Variants in FNDC3B observed in about 807,000 individuals in gnomAD.
The protein encoded by FNDC3B is fibronectin type III domain containing 3B, also known as fibronectin type III domain-containing protein 3B.
Under a neutral mutation model 151.5 loss-of-function variants are expected in FNDC3B, and 12 were observed. That is an observed-to-expected ratio of 0.08 (90% CI 0.05 to 0.13). The LOEUF (loss-of-function observed/expected upper bound fraction) is 0.13. Among genes scored for constraint, FNDC3B ranks in the 10% least tolerant of loss-of-function variants. The probability of loss-of-function intolerance (pLI) is 1.00; values close to 1 mark genes in which losing one functional copy is unlikely to be tolerated. For synonymous variants in FNDC3B, 528 were observed against 549.0 expected, an observed-to-expected ratio of 0.96 and a Z score of 0.54; for missense variants, 1,214 against 1,505.3, an observed-to-expected ratio of 0.81 and a Z score of 3.20.
At chr3:172,140,880 G>A (rs73167218) in intron 3 of FNDC3B, among the ~76,000 whole-genome samples, 195 of 152,210 alleles carry the variant, frequency 1.3e-3, no homozygotes, top group Middle Eastern at 0.01. Context: ...ACATAAGAAC[G>A]GAATGTTAAA....
intron 22 of FNDC3B, among the ~76,000 whole-genome samples, chr3:172,359,220 C>T (rs1387074929): frequency 6.6e-6 from 1 of 151,890 alleles, no homozygotes; most frequent in African/African-American, 2.4e-5. Flanking sequence ...CTTGTATCTT[C>T]TAAACTATTT....
At chr3:172,397,082 T>C in intron 25 of FNDC3B, 82 bp from the exon 26 acceptor site, 1 of 1,065,346 alleles carries the variant, frequency 9.4e-7, no homozygotes, top group African/African-American at 1.6e-5. Context: ...CAAGAGTGAA[T>C]GGAGTGAATC....
chr3:172,112,506 C>T lies in FNDC3B; in HGVS notation c.27C>T (p.Asp9=). The T allele has an allele frequency of 6.2e-7, 1 of 1,614,074 alleles. No homozygotes were observed. The highest frequency in any genetic ancestry group is 8.5e-7 in the Non-Finnish European group (1 of 1,179,948). The change falls in exon 2 of 26, where the codon GAC becomes GAT. Residue 9 remains aspartate (D), a synonymous_variant. Coordinates refer to ENST00000415807, the MANE Select transcript of FNDC3B (RefSeq NM_022763.4). MYVTMMMT[D]QIPLELPPLL... is the part of the protein sequence containing the mutation. ...TGTACGTCACAATGATGATGACCGA[C>T]CAAATCCCTCTGGAACTGCCACCAT...
chr3:172,214,973 G>A (rs2108720097), intron 3 of FNDC3B, among the ~76,000 whole-genome samples: 1 of 152,360 alleles, frequency 6.6e-6, no homozygotes, highest in East Asian at 1.9e-4. Flanking sequence ...GTAATGATAT[G>A]TTGGTAAAGC....
At position 172,082,616 on chromosome 3, in the gene FNDC3B, C is replaced by T. The variant is rs375705509; in HGVS notation, c.-28-29836C>T. Among the ~76,000 whole-genome samples, 5 of 152,306 alleles carry T rather than the reference C, an allele frequency of 3.3e-5. No individual in the cohort carries two copies. In the East Asian group the frequency reaches 9.6e-4, roughly 29 times the overall value. ...AACGAAGCAGCAAAGAATGTTCCAC[C>T]CATGTATAGGCTGAACGTGGAATCA... On this transcript the variant is annotated intron_variant, in intron 1 of 25. Transcript: ENST00000415807.
At chr3:172,312,249 G>A (rs1731540654) in intron 11 of FNDC3B, among the ~76,000 whole-genome samples, 1 of 152,180 alleles carries the variant, frequency 6.6e-6, no homozygotes, top group African/African-American at 2.4e-5. Flanking sequence ...AGAGTTCCAA[G>A]TTACCCAGAA....
intron 1 of FNDC3B, among the ~76,000 whole-genome samples, chr3:172,070,954 A>AT (rs1717747111): frequency 6.6e-6 from 1 of 152,256 alleles, no homozygotes; most frequent in African/African-American, 2.4e-5. Context: ...AAATACAGGC[A>AT]TTTTTGCTGC....
chr3:172,296,628 C>T (rs559735126), intron 8 of FNDC3B, among the ~76,000 whole-genome samples: 2 of 152,298 alleles, frequency 1.3e-5, no homozygotes, highest in South Asian at 4.2e-4. Flanking sequence ...TAGGATATTC[C>T]TAACTCTGGC....
At chr3:172,323,157 AAAAAT>A (rs1732176694) in intron 11 of FNDC3B, among the ~76,000 whole-genome samples, 1 of 152,192 alleles carries the variant, frequency 6.6e-6, no homozygotes, top group African/African-American at 2.4e-5. Flanking sequence ...GGGTAAAAGA[AAAAAT>A]AAAGATGTTC....
chr3:172,113,668 A>G (rs1472729474), intron 2 of FNDC3B, among the ~76,000 whole-genome samples: 1 of 152,170 alleles, frequency 6.6e-6, no homozygotes, highest in Non-Finnish European at 1.5e-5. Context: ...TTCCACCAAC[A>G]TACAGTAGTA....
At chr3:172,394,337 C>T (rs1736173312) in intron 25 of FNDC3B, among the ~76,000 whole-genome samples, 1 of 151,552 alleles carries the variant, frequency 6.6e-6, no homozygotes. Flanking sequence ...CAAAGATCAA[C>T]AAAACTAAGA....
intron 8 of FNDC3B, 78 bp from the exon 9 acceptor site, chr3:172,298,650 T>G: frequency 2.3e-6 from 2 of 888,686 alleles, no homozygotes; most frequent in Non-Finnish European, 3.6e-6. Context: ...TGTCAGTACA[T>G]TACTGGACAC....
At chr3:172,048,495 A>G (rs1177031764) in intron 1 of FNDC3B, among the ~76,000 whole-genome samples, 1 of 152,196 alleles carries the variant, frequency 6.6e-6, no homozygotes, top group African/African-American at 2.4e-5. Flanking sequence ...ATCCTTGTGT[A>G]TTGCATGTTG....
At chr3:172,210,685 A>G (rs1725692873) in intron 3 of FNDC3B, among the ~76,000 whole-genome samples, 1 of 152,136 alleles carries the variant, frequency 6.6e-6, no homozygotes, top group Admixed American at 6.5e-5. Flanking sequence ...ATTTTGTTTT[A>G]GTTAAACTTT....
chr3:172,155,092 G>C (rs1028191795), intron 3 of FNDC3B, among the ~76,000 whole-genome samples: 6 of 152,150 alleles, frequency 3.9e-5, no homozygotes, highest in African/African-American at 7.2e-5. Flanking sequence ...GTATGGTTAA[G>C]TTTTTAAGTT....
rs138156277 is a variant in FNDC3B at position 172,084,472 on chromosome 3, T to TACACACACAC, written c.-28-27976_-28-27967dup. 6.2e-3 allele frequency among the ~76,000 whole-genome samples: 892 copies of TACACACACAC among 143,620 alleles called. 8 individuals are homozygous for TACACACACAC. Among genetic ancestry groups the TACACACACAC allele is most frequent in the Middle Eastern group, 0.014 (4 of 288 alleles). The allele number at this position is 143,620 out of a possible 152,430, so 94.2% of individuals were successfully genotyped here. A position where few individuals can be genotyped will look rare whatever the true frequency, so the allele number is the denominator to read the frequency against. On this transcript the variant is annotated intron_variant, in intron 1 of 25. Transcript: ENST00000415807. ...CTCAAAAAAAAAATATGTATATGTA[T>TACACACACAC]ACACACACACACATACACACACACA...
intron 3 of FNDC3B, among the ~76,000 whole-genome samples, chr3:172,169,257 T>C (rs577084194): frequency 2.3e-4 from 35 of 152,250 alleles, no homozygotes; most frequent in African/African-American, 8.2e-4. Context: ...AGGGGCATAC[T>C]CGAGCCCACC....
At chr3:172,055,787 C>A (rs1342057818) in intron 1 of FNDC3B, among the ~76,000 whole-genome samples, 1 of 143,692 alleles carries the variant, frequency 7.0e-6, no homozygotes, top group Non-Finnish European at 1.5e-5. Context: ...ATGTTTCTTT[C>A]TTTTTTTTTT....
chr3:172,136,763 A>G (rs1029292017), intron 3 of FNDC3B, among the ~76,000 whole-genome samples: 2 of 152,174 alleles, frequency 1.3e-5, no homozygotes, highest in African/African-American at 4.8e-5. Flanking sequence ...TCTGTCGCCC[A>G]GGCTGGAGTG....
Sources: gnomAD v4.1 joint callset for allele counts (sites outside exome capture counted in the v4.1 genomes callset) on GRCh38, gnomAD v4.1.1 for gene constraint, MANE v1.5 for transcripts, NCBI Gene and HGNC (gene_info 2026-07-23, HGNC 2026-07-21) for gene names.